Variants in ELMO1 observed in about 807,000 individuals in gnomAD.
ELMO1 encodes engulfment and cell motility 1.
Under a neutral mutation model 98.9 loss-of-function variants are expected in ELMO1, and 26 were observed. The ratio of observed to expected loss-of-function variants is 0.26; its 90% CI spans 0.19 to 0.36. The LOEUF (loss-of-function observed/expected upper bound fraction) is 0.36, where lower values mean the gene tolerates loss of function less well. ELMO1 is among the 10% of genes least tolerant of loss of function. ELMO1 has a pLI of 1.00. For synonymous variants in ELMO1, 346 were observed against 346.0 expected, an observed-to-expected ratio of 1.00 and a Z score of 0.00; for missense variants, 627 against 935.2, an observed-to-expected ratio of 0.67 and a Z score of 4.30.
chr7:36,944,881 GC>G (rs547112458), intron 16 of ELMO1, among the ~76,000 whole-genome samples: 171 of 152,326 alleles, frequency 1.1e-3, no homozygotes, highest in African/African-American at 3.7e-3. Context: ...GCTAGAAGGG[GC>G]TGCCCCACCA....
intron 1 of ELMO1, among the ~76,000 whole-genome samples, chr7:37,366,862 GAGCGA>G (rs1438528359): frequency 2.6e-5 from 4 of 152,238 alleles, no homozygotes; most frequent in Non-Finnish European, 4.4e-5. Context: ...TCTGAGACAA[GAGCGA>G]AGCCCAGGAT....
chr7:36,938,641 T>A (rs1786756731), intron 16 of ELMO1, among the ~76,000 whole-genome samples: 1 of 152,238 alleles, frequency 6.6e-6, no homozygotes, highest in Admixed American at 6.5e-5. Context: ...CCATAACCAC[T>A]GTCATCAACT....
intron 14 of ELMO1, chr7:37,132,866 T>C (rs2129299472): frequency 4.1e-6 from 1 of 241,658 alleles, no homozygotes; most frequent in South Asian, 1.6e-4. Context: ...TTTGTCATAA[T>C]TCAATATTGG....
chr7:37,047,540 T>C (rs2129200976), intron 15 of ELMO1, among the ~76,000 whole-genome samples: 1 of 152,318 alleles, frequency 6.6e-6, no homozygotes, highest in South Asian at 2.1e-4. Flanking sequence ...ATCAATACAT[T>C]AACATTCCAG....
intron 10 of ELMO1, among the ~76,000 whole-genome samples, 159 bp downstream of exon 10, chr7:37,222,456 G>A (rs985968713): frequency 2.0e-5 from 3 of 152,298 alleles, no homozygotes; most frequent in East Asian, 1.9e-4. Context: ...GGACCCCAGC[G>A]GGCCAGCCGT....
intron 16 of ELMO1, among the ~76,000 whole-genome samples, chr7:36,906,539 A>C (rs1224638918): frequency 6.6e-6 from 1 of 152,222 alleles, no homozygotes; most frequent in Non-Finnish European, 1.5e-5. Flanking sequence ...CTCAGCTAAC[A>C]TTTACCAAGA....
chr7:36,992,283 C>T (rs376369790), intron 16 of ELMO1, among the ~76,000 whole-genome samples: 2 of 152,186 alleles, frequency 1.3e-5, no homozygotes, highest in East Asian at 1.9e-4. Context: ...GAGTCAAGGT[C>T]TGGAAGTTCT....
intron 1 of ELMO1, among the ~76,000 whole-genome samples, chr7:37,401,262 TAA>T (rs938426259): frequency 8.6e-5 from 13 of 152,040 alleles, no homozygotes; most frequent in African/African-American, 3.1e-4. Context: ...CATGCACAGA[TAA>T]AATAAGGACA....
intron 16 of ELMO1, among the ~76,000 whole-genome samples, chr7:36,938,447 A>C (rs897803680): frequency 6.6e-6 from 1 of 152,200 alleles, no homozygotes; most frequent in Non-Finnish European, 1.5e-5. Flanking sequence ...GAAAACTGAA[A>C]CTGGAAATCA....
At chr7:36,964,966 T>C (rs1789284549) in intron 16 of ELMO1, among the ~76,000 whole-genome samples, 1 of 152,192 alleles carries the variant, frequency 6.6e-6, no homozygotes. Flanking sequence ...CTCTGACCTC[T>C]TGGCCACTAT....
At chr7:37,413,796 G>A (rs1415382353) in intron 1 of ELMO1, among the ~76,000 whole-genome samples, 2 of 152,042 alleles carry the variant, frequency 1.3e-5, no homozygotes, top group South Asian at 2.1e-4. Flanking sequence ...TTGTGCCTCC[G>A]CCGCCCAAAT....
chr7:37,004,095 T>C (rs1301798420), intron 16 of ELMO1, among the ~76,000 whole-genome samples: 4 of 152,198 alleles, frequency 2.6e-5, no homozygotes, highest in Admixed American at 6.5e-5. Flanking sequence ...GGCCTTGTAT[T>C]TCATGAGAGA....
intron 16 of ELMO1, among the ~76,000 whole-genome samples, chr7:36,927,459 A>C (rs985177565): frequency 6.6e-6 from 1 of 152,206 alleles, no homozygotes; most frequent in Non-Finnish European, 1.5e-5. Context: ...TATAATTTAC[A>C]ATCTGCTGCT....
intron 13 of ELMO1, among the ~76,000 whole-genome samples, chr7:37,207,678 C>T (rs183954076): frequency 2.1e-3 from 325 of 152,126 alleles, no homozygotes; most frequent in African/African-American, 7.4e-3. Flanking sequence ...TGTAGTGCCT[C>T]ATGCTTGTAA....
chr7:37,324,052 G>GC, intron 2 of ELMO1, among the ~76,000 whole-genome samples: 1 of 152,250 alleles, frequency 6.6e-6, no homozygotes, highest in South Asian at 2.1e-4. Context: ...GGCCAGTCCA[G>GC]CCTTCCTGGA....
chr7:36,861,037 T>C (rs1802588956), intron 21 of ELMO1, among the ~76,000 whole-genome samples: 1 of 152,244 alleles, frequency 6.6e-6, no homozygotes, highest in African/African-American at 2.4e-5. Context: ...TCAAGCATGA[T>C]GTTGGGTTCC....
intron 10 of ELMO1, among the ~76,000 whole-genome samples, chr7:37,218,595 T>C (rs752131177): frequency 1.4e-4 from 22 of 152,246 alleles, no homozygotes; most frequent in Non-Finnish European, 2.4e-4. Flanking sequence ...ATTAAAATTA[T>C]GTAAAAGTAT....
chr7:37,073,091 AC>A (rs1352147123), intron 15 of ELMO1, among the ~76,000 whole-genome samples: 1 of 152,242 alleles, frequency 6.6e-6, no homozygotes, highest in African/African-American at 2.4e-5. Flanking sequence ...TCTAAGTAAA[AC>A]ATTAAAAATG....
intron 15 of ELMO1, among the ~76,000 whole-genome samples, chr7:37,089,999 A>T (rs1783987986): frequency 1.3e-5 from 2 of 152,206 alleles, no homozygotes; most frequent in African/African-American, 4.8e-5. Flanking sequence ...ACACGAGAGA[A>T]AGTGTGCTGA....
Sources: gnomAD v4.1 joint callset for allele counts (sites outside exome capture counted in the v4.1 genomes callset) on GRCh38, gnomAD v4.1.1 for gene constraint, MANE v1.5 for transcripts, NCBI Gene and HGNC (gene_info 2026-07-23, HGNC 2026-07-21) for gene names.